WHRN: variants seen among roughly 807,000 people sequenced by gnomAD.
The protein encoded by WHRN is CASK-interacting protein CIP98.
WHRN carries 41 observed loss-of-function variants against 68.3 expected under a neutral mutation model. The observed-to-expected ratio is 0.60, with a 90% confidence interval of 0.47 to 0.78. WHRN has a LOEUF of 0.78. WHRN is among the 30% of genes least tolerant of loss of function. WHRN has a pLI of 0.00. For missense variants in WHRN, 1,243 were observed against 1,244.7 expected (o/e 1.00, Z 0.02); for synonymous variants, 560 against 561.3 (o/e 1.00, Z 0.03).
intron 3 of WHRN, among the ~76,000 whole-genome samples, chr9:114,446,981 A>G (rs12238747): frequency 0.21 from 31,345 of 149,120 alleles, 3,587 homozygotes; most frequent in Middle Eastern, 0.32. Flanking sequence ...CCATGCTTCT[A>G]TGTCTGTGCT....
chr9:114,502,492 T>G (rs1031933348), intron 1 of WHRN, among the ~76,000 whole-genome samples: 1 of 148,938 alleles, frequency 6.7e-6, no homozygotes, highest in African/African-American at 2.5e-5. Flanking sequence ...TGAGGGAGAT[T>G]CAGAGAGAAG....
Position 114,402,674 on chromosome 9 carries a change from A to C in WHRN, c.*80T>G. On this transcript the variant is annotated 3_prime_UTR_variant, in exon 12 of 12. Coordinates refer to ENST00000362057, the MANE Select transcript of WHRN (RefSeq NM_015404.4). Reference sequence around the variant, plus strand: ...CTGGCCATGCAGCCCCAACCCCGCAAGGAGCTTGATGAAGCCAACGGTGGA... The same window carrying C: ...CTGGCCATGCAGCCCCAACCCCGCACGGAGCTTGATGAAGCCAACGGTGGA... 3 of 1,576,464 alleles carry C rather than the reference A, an allele frequency of 1.9e-6. No homozygotes were observed. Among genetic ancestry groups the C allele is most frequent in the Non-Finnish European group, 2.6e-6 (3 of 1,150,768 alleles).
chr9:114,469,315 C>T (rs755306470), intron 2 of WHRN, among the ~76,000 whole-genome samples: 29 of 152,284 alleles, frequency 1.9e-4, no homozygotes, highest in Non-Finnish European at 3.8e-4. Context: ...TACAGGCTTT[C>T]GAGCCTGGAG....
At chr9:114,444,886 G>A (rs1042693944) in intron 3 of WHRN, among the ~76,000 whole-genome samples, 6 of 151,814 alleles carry the variant, frequency 4.0e-5, no homozygotes, top group African/African-American at 1.5e-4. Flanking sequence ...TCCCAGTTTT[G>A]CTGAAATATT....
intron 3 of WHRN, among the ~76,000 whole-genome samples, chr9:114,450,058 G>A (rs1020491077): frequency 2.6e-5 from 4 of 152,144 alleles, no homozygotes; most frequent in Non-Finnish European, 4.4e-5. Context: ...GACCCGCCCA[G>A]GAGTGAGAGG....
rs1365774455 is a variant in WHRN at position 114,478,757 on chromosome 9, G to A, written c.633C>T (p.Ser211=). The change falls in exon 2 of 12, where the codon TCC becomes TCT. Residue 211 remains serine, a synonymous_variant. Transcript: ENST00000362057. ...AGTACACAGACAGCACCAGCTTCTTGGAGCCCTTCAGAGCCTAGGGAGAGA... is the reference window on the plus strand; with the variant it reads ...AGTACACAGACAGCACCAGCTTCTTAGAGCCCTTCAGAGCCTAGGGAGAGA... ...HAEAVKALKG[S]KKLVLSVYSA... 1.2e-6 allele frequency: 2 copies of A among 1,611,898 alleles called. No homozygotes were observed. Among genetic ancestry groups the A allele is most frequent in the South Asian group, 2.2e-5 (2 of 90,918 alleles).
chr9:114,468,819 T>G (rs567192987), intron 2 of WHRN, among the ~76,000 whole-genome samples: 17 of 152,262 alleles, frequency 1.1e-4, no homozygotes, highest in Admixed American at 2.0e-4. Context: ...ATCTGACCCA[T>G]CCTGCCCCAG....
intron 3 of WHRN, among the ~76,000 whole-genome samples, chr9:114,452,829 C>T (rs897264113): frequency 2.6e-5 from 4 of 152,212 alleles, no homozygotes; most frequent in Non-Finnish European, 5.9e-5. Flanking sequence ...CCCTCCATTT[C>T]ACACATGGGG....
At chr9:114,486,062 G>A (rs1842450020) in intron 1 of WHRN, among the ~76,000 whole-genome samples, 1 of 152,104 alleles carries the variant, frequency 6.6e-6, no homozygotes, top group Non-Finnish European at 1.5e-5. Context: ...TTAAGAAACT[G>A]TAAACTGCGT....
intron 1 of WHRN, among the ~76,000 whole-genome samples, chr9:114,489,811 A>T (rs2133287811): frequency 6.6e-6 from 1 of 152,264 alleles, no homozygotes; most frequent in East Asian, 1.9e-4. Flanking sequence ...GATCCTTTTT[A>T]CAGATGCTTG....
intron 7 of WHRN, among the ~76,000 whole-genome samples, chr9:114,419,297 G>A (rs1836068497): frequency 6.6e-6 from 1 of 152,216 alleles, no homozygotes; most frequent in South Asian, 2.1e-4. Context: ...GGTCAAAGAA[G>A]ATACGAATGG....
intron 2 of WHRN, among the ~76,000 whole-genome samples, chr9:114,467,447 G>T (rs572400009): frequency 4.8e-3 from 723 of 151,436 alleles, no homozygotes; most frequent in Non-Finnish European, 7.0e-3. Flanking sequence ...CCTGACTGGC[G>T]TGGGGGGGTG....
At chr9:114,489,403 G>C (rs1842781515) in intron 1 of WHRN, among the ~76,000 whole-genome samples, 1 of 151,932 alleles carries the variant, frequency 6.6e-6, no homozygotes, top group Non-Finnish European at 1.5e-5. Context: ...TTGGTTGCTA[G>C]GGGGCTCAGA....
chr9:114,460,289 C>T (rs4979400), intron 3 of WHRN, among the ~76,000 whole-genome samples: 112,435 of 152,166 alleles, frequency 0.74, 41,782 homozygotes, highest in East Asian at 0.97. Context: ...GTGTAATCCC[C>T]GGGAAGCTAC....
intron 1 of WHRN, chr9:114,491,773 T>C (rs1842992938): frequency 7.4e-6 from 2 of 269,688 alleles, no homozygotes; most frequent in East Asian, 7.7e-5. Flanking sequence ...CCTCCCGCCC[T>C]TTGCCTGAGT....
At chr9:114,502,312 G>A (rs1374092777) in intron 1 of WHRN, among the ~76,000 whole-genome samples, 1 of 152,162 alleles carries the variant, frequency 6.6e-6, no homozygotes, top group African/African-American at 2.4e-5. Flanking sequence ...CACACTTAAA[G>A]GACAGCTCTG....
chr9:114,502,806 T>C (rs372343388), intron 1 of WHRN, among the ~76,000 whole-genome samples: 6 of 152,306 alleles, frequency 3.9e-5, no homozygotes, highest in Non-Finnish European at 1.5e-5. Flanking sequence ...CATAAATTTA[T>C]CATCTGGGAA....
At chr9:114,457,568 T>C (rs1166708991) in intron 3 of WHRN, among the ~76,000 whole-genome samples, 1 of 152,078 alleles carries the variant, frequency 6.6e-6, no homozygotes, top group African/African-American at 2.4e-5. Flanking sequence ...CCTTAGAACA[T>C]TACATTTTGG....
intron 3 of WHRN, among the ~76,000 whole-genome samples, chr9:114,451,284 G>C (rs10759701): frequency 0.96 from 146,166 of 152,140 alleles, 70,472 homozygotes; most frequent in East Asian, 1. Context: ...CCTTAGGGAG[G>C]CCTGCCTTTG....
Sources: allele counts gnomAD v4.1 joint callset (sites outside exome capture counted in the v4.1 genomes callset), GRCh38; gene constraint gnomAD v4.1.1; transcripts MANE v1.5; gene names NCBI Gene and HGNC (gene_info 2026-07-23, HGNC 2026-07-21).